MAML1: variants seen among roughly 807,000 people sequenced by gnomAD.
The protein encoded by MAML1 is mastermind-like protein 1.
A neutral mutation model predicts 77.1 loss-of-function variants in MAML1; 14 were observed. That is an observed-to-expected ratio of 0.18 (90% CI 0.12 to 0.28). The LOEUF (loss-of-function observed/expected upper bound fraction) is 0.28, where lower values mean the gene tolerates loss of function less well. Ranked by LOEUF, MAML1 falls within the 10% of genes least tolerant of loss-of-function variation. The probability of loss-of-function intolerance (pLI) is 1.00; values close to 1 mark genes in which losing one functional copy is unlikely to be tolerated. For missense variants in MAML1, 1,217 were observed against 1,327.8 expected (o/e 0.92, Z 1.30); for synonymous variants, 516 against 551.9 (o/e 0.93, Z 0.91).
Position 179,766,812 on chromosome 5 carries a change from G to A in MAML1, c.1731+71G>A, listed in dbSNP as rs1779828921. On this transcript the variant is annotated intron_variant, in intron 2 of 4. Transcript: ENST00000292599. The surrounding 1 kb of genome is among the most constrained non-coding windows in gnomAD (Gnocchi z 4.0). ...AGTGAGGTTACTCACTACTTTGGAT[G>A]TTAATTGGATCCGAGGTAGTTGTGG... 7.8e-7 allele frequency: 1 copy of A among 1,289,794 alleles called. No homozygotes were observed. Among genetic ancestry groups the A allele is most frequent in the Non-Finnish European group, 1.0e-6 (1 of 952,662 alleles). The allele number at this position is 1,289,794 out of a possible 1,614,324, so 79.9% of individuals were successfully genotyped here.
At position 179,766,048 on chromosome 5, in the gene MAML1, C is replaced by T. The variant is rs200781660; in HGVS notation, c.1038C>T (p.Thr346=). 7.0e-4 allele frequency: 1,109 copies of T among 1,590,180 alleles called. 12 individuals carry two copies. In the South Asian group the frequency reaches 9.3e-3, roughly 13 times the overall value. ...CCCCCAGCCTAGGGGGCTCCCAAAC[C>T]TTATTCCACACCTCTGGTCAGCCCC... ...TDSPSLGGSQ[T]LFHTSGQPRA... Residue 346 remains threonine, a synonymous_variant, in exon 2 of 5, where the codon ACC becomes ACT. Transcript: ENST00000292599. This position sits in a 1 kb window ranked among gnomAD's most constrained non-coding sequence, Gnocchi z 4.0.
chr5:179,753,214 TGTGTGTGTGCGC>T (rs1185460572), intron 1 of MAML1, among the ~76,000 whole-genome samples: 55 of 130,396 alleles, frequency 4.2e-4, no homozygotes, highest in African/African-American at 1.1e-3. Flanking sequence ...TGTGTGTGTG[TGTGTGTGTGCGC>T]GCGCGCGCGC....
At chr5:179,746,260 C>CCCAGGCA (rs776410169) in intron 1 of MAML1, among the ~76,000 whole-genome samples, 5 of 151,734 alleles carry the variant, frequency 3.3e-5, no homozygotes, top group Non-Finnish European at 7.4e-5. Context: ...GCAGGAGAAT[C>CCCAGGCA]GCTTGAACCT....
In MAML1 at chr5:179,775,912, A is replaced by T. The variant is rs1245142298; in HGVS notation, c.*1035A>T. The T allele has an allele frequency of 2.0e-6, 2 of 985,492 alleles. No homozygotes were observed. Among genetic ancestry groups the T allele is most frequent in the East Asian group, 2.3e-4 (2 of 8,816 alleles). 61.0% of individuals were successfully genotyped at this position (985,492 alleles called of 1,614,324 possible). On this transcript the variant is annotated 3_prime_UTR_variant, in exon 5 of 5. Transcript: ENST00000292599. ...AATTCCTAAGGGAACCTTAGCATAA[A>T]GGTTTTGGGGAAGGAGGCCGTAGGC...
Position 179,733,132 on chromosome 5 carries a change from C to G in MAML1, c.20C>G (p.Pro7Arg). 1.4e-6 allele frequency: 2 copies of G among 1,442,568 alleles called. No homozygotes were observed. Among genetic ancestry groups the G allele is most frequent in the Non-Finnish European group, 1.8e-6 (2 of 1,100,194 alleles). The allele number at this position is 1,442,568 out of a possible 1,614,324, so 89.4% of individuals were successfully genotyped here. MVLPTC[P>R]MAEFALPRHS... The stretch of plus-strand genomic sequence containing the variant: ...CGGCCCATGGTGCTGCCCACCTGCC[C>G]CATGGCGGAGTTCGCGCTGCCGCGG... The change falls in exon 1 of 5, where the codon CCC becomes CGC. Residue 7 changes from proline to arginine, a missense_variant. Coordinates refer to ENST00000292599, the MANE Select transcript of MAML1 (RefSeq NM_014757.5).
At chr5:179,753,684 G>A (rs1779555293) in intron 1 of MAML1, among the ~76,000 whole-genome samples, 1 of 114,068 alleles carries the variant, frequency 8.8e-6, no homozygotes, top group South Asian at 3.2e-4. Flanking sequence ...TTTTGAGGCA[G>A]AGTTTCGCCC....
rs1230098009 is a variant in MAML1 at position 179,775,655 on chromosome 5, A to C, written c.*778A>C. The C allele has an allele frequency of 1.0e-6, 1 of 985,310 alleles. No homozygotes were observed. The highest frequency in any genetic ancestry group is 1.2e-6 in the Non-Finnish European group (1 of 829,938). 61.0% of individuals were successfully genotyped at this position (985,310 alleles called of 1,614,324 possible). On this transcript the variant is annotated 3_prime_UTR_variant, in exon 5 of 5. Transcript: ENST00000292599. Reference sequence around the variant, plus strand: ...TGTCCTGGCAGCAGGACCCCAGGCTACATATGGAAGGTAGAGATGTGGGGG... The same window carrying C: ...TGTCCTGGCAGCAGGACCCCAGGCTCCATATGGAAGGTAGAGATGTGGGGG...
chr5:179,739,192 T>TA (rs1289173646), intron 1 of MAML1, among the ~76,000 whole-genome samples: 4 of 151,940 alleles, frequency 2.6e-5, no homozygotes, highest in Admixed American at 6.6e-5. Context: ...GAAAAAAAAG[T>TA]AAAAAAATAA....
At position 179,753,612 on chromosome 5, in the gene MAML1, G is replaced by A. The variant is rs1779548249; in HGVS notation, c.316-11714G>A. On this transcript the variant is annotated intron_variant, in intron 1 of 4. Transcript: ENST00000292599. ...ACAGTAGTGGATGAGATGAATCGGG[G>A]GGGAGAAGTGTTTCTGTTTGGGTTG... Among the ~76,000 whole-genome samples, 3 of 151,754 alleles carry A rather than the reference G, an allele frequency of 2.0e-5. No individual in the cohort carries two copies. The South Asian group carries it at 6.3e-4, about 32-fold the overall frequency.
intron 1 of MAML1, among the ~76,000 whole-genome samples, chr5:179,734,986 T>G (rs565172952): frequency 2.0e-5 from 3 of 152,134 alleles, no homozygotes; most frequent in Non-Finnish European, 4.4e-5. Context: ...GCCCCCAGGA[T>G]TCTTTTAAGA....
At chr5:179,747,177 G>T (rs1779398360) in intron 1 of MAML1, among the ~76,000 whole-genome samples, 1 of 152,196 alleles carries the variant, frequency 6.6e-6, no homozygotes, top group South Asian at 2.1e-4. Context: ...TAATTAGTGT[G>T]TTTTTGCTGT....
chr5:179,770,964 A>T, intron 3 of MAML1, 183 bp from the exon 4 acceptor site: 1 of 542,564 alleles, frequency 1.8e-6, no homozygotes, highest in Non-Finnish European at 3.3e-6. Flanking sequence ...TAAAAAAGTC[A>T]TTGCTCCCTA....
At position 179,769,209 on chromosome 5, in the gene MAML1, T is replaced by TA. The variant is rs1168403253; in HGVS notation, c.1971+121dup. ...TTGCGCAGACTTGCGTGCCTGTTGT[T>TA]AGAGTGCTTTGCCTTTTAAAAACAT... On this transcript the variant is annotated intron_variant, in intron 3 of 4. Transcript: ENST00000292599. This position sits in a 1 kb window ranked among gnomAD's most constrained non-coding sequence, Gnocchi z 4.2. The TA allele has an allele frequency of 2.1e-6, 3 of 1,398,420 alleles. No individual in the cohort carries two copies. The highest frequency in any genetic ancestry group is 1.4e-5 in the South Asian group (1 of 73,094). 86.6% of individuals were successfully genotyped at this position (1,398,420 alleles called of 1,614,324 possible). A position where few individuals can be genotyped will look rare whatever the true frequency, so the allele number is the denominator to read the frequency against.
intron 1 of MAML1, among the ~76,000 whole-genome samples, chr5:179,753,234 C>CGCGT (rs1554150283): frequency 2.0e-5 from 3 of 151,508 alleles, no homozygotes; most frequent in Admixed American, 2.0e-4. Context: ...CGCGCGCGCG[C>CGCGT]GCGCGTGCTG....
intron 1 of MAML1, among the ~76,000 whole-genome samples, chr5:179,756,147 C>G (rs1400158118): frequency 2.0e-5 from 3 of 150,860 alleles, no homozygotes; most frequent in Non-Finnish European, 4.4e-5. Context: ...AGGAGGTGGC[C>G]GGTCGCGGTG....
chr5:179,777,022 G>A lies in MAML1; in HGVS notation c.*2145G>A. On this transcript the variant is annotated 3_prime_UTR_variant, in exon 5 of 5. Transcript: ENST00000292599. ...CAATTTTATATGAAAGATGGAATAAGCGCTAGAGCTTCCAACTGTATATTT... is the reference window on the plus strand; with the variant it reads ...CAATTTTATATGAAAGATGGAATAAACGCTAGAGCTTCCAACTGTATATTT... 1 of 984,578 alleles carries A rather than the reference G, an allele frequency of 1.0e-6. No homozygotes were observed. Among genetic ancestry groups the A allele is most frequent in the Non-Finnish European group, 1.2e-6 (1 of 828,784 alleles). 61.0% of individuals were successfully genotyped at this position (984,578 alleles called of 1,614,324 possible).
Position 179,765,504 on chromosome 5 carries a change from A to T in MAML1, c.494A>T (p.Asp165Val), listed in dbSNP as rs1455114049. Residue 165 changes from aspartate (D) to valine (V), a missense_variant, in exon 2 of 5, where the codon GAC (aspartate) becomes GTC (valine). Around this residue, in one of 3 missense-constraint regions of MAML1, gnomAD observed 312 missense variants for 331.4 expected, o/e 0.94. Transcript: ENST00000292599. ...LPPASPLGQS[D>V]KPSGADALQS... ...CCAGCCTCCCCCCTCGGTCAGTCTG[A>T]CAAGCCTTCTGGAGCCGACGCCCTG... 1.9e-6 allele frequency: 3 copies of T among 1,613,924 alleles called. No homozygotes were observed. The Admixed American group carries it at 5.0e-5, about 27-fold the overall frequency.
chr5:179,756,605 TTATCTG>T (rs1779626310), intron 1 of MAML1, among the ~76,000 whole-genome samples: 3 of 151,980 alleles, frequency 2.0e-5, no homozygotes, highest in African/African-American at 7.3e-5. Context: ...AGTTTGAACT[TTATCTG>T]TAAGTAATGG....
chr5:179,735,049 A>G (rs2113327164), intron 1 of MAML1, among the ~76,000 whole-genome samples: 1 of 152,340 alleles, frequency 6.6e-6, no homozygotes, highest in African/African-American at 2.4e-5. Flanking sequence ...GGGAAGGGAT[A>G]GCATTGGGAG....
Sources: gnomAD v4.1 joint callset for allele counts (sites outside exome capture counted in the v4.1 genomes callset) on GRCh38, gnomAD v4.1.1 for gene constraint, gnomAD v4.1.1 regional missense constraint, Gnocchi (gnomAD v3.1) non-coding constraint, MANE v1.5 for transcripts, NCBI Gene and HGNC (gene_info 2026-07-23, HGNC 2026-07-21) for gene names.